The following ZSWIM7 variants were observed in gnomAD, a reference collection of about 807,000 sequenced individuals.
ZSWIM7 encodes the protein zinc finger SWIM domain-containing protein 7.
Under a neutral mutation model 21.1 loss-of-function variants are expected in ZSWIM7, and 22 were observed. That is an observed-to-expected ratio of 1.04 (90% CI 0.74 to 1.49). The LOEUF (loss-of-function observed/expected upper bound fraction) is 1.49. Among genes scored for constraint, ZSWIM7 ranks in the 40% most tolerant of loss-of-function variants. The probability of loss-of-function intolerance (pLI) is 0.00; values close to 1 mark genes in which losing one functional copy is unlikely to be tolerated. For synonymous variants in ZSWIM7, 67 were observed against 66.5 expected, an observed-to-expected ratio of 1.01 and a Z score of -0.04; for missense variants, 193 against 168.0, an observed-to-expected ratio of 1.15 and a Z score of -0.82.
At chr17:15,993,959 C>CT in intron 1 of ZSWIM7, 181 bp from the exon 2 acceptor site, 1 of 498,682 alleles carries the variant, frequency 2.0e-6, no homozygotes, top group Non-Finnish European at 3.7e-6. Context: ...TTTCCTTTTT[C>CT]TTTTTTTGAG....
At chr17:15,983,932 G>A (rs1376195994) in intron 3 of ZSWIM7, among the ~76,000 whole-genome samples, 2 of 152,024 alleles carry the variant, frequency 1.3e-5, no homozygotes, top group African/African-American at 4.8e-5. Context: ...TACAACTTTA[G>A]GTTTCTTCTC....
chr17:15,994,112 C>A (rs1970518572), intron 1 of ZSWIM7, among the ~76,000 whole-genome samples: 1 of 152,156 alleles, frequency 6.6e-6, no homozygotes, highest in African/African-American at 2.4e-5. Flanking sequence ...CCATGCCCAG[C>A]TAATTTTTTT....
intron 1 of ZSWIM7, among the ~76,000 whole-genome samples, chr17:15,995,575 T>TAAAAAAAAAAAAAAAAAAAAAAAAAA: frequency 1.0e-5 from 1 of 100,258 alleles, no homozygotes; most frequent in Non-Finnish European, 2.0e-5. Flanking sequence ...CCCTGTCTCT[T>TAAAAAAAAAAAAAAAAAAAAAAAAAA]AAAAAAAAAA....
intron 4 of ZSWIM7, chr17:15,980,516 G>A (rs1970343580): frequency 6.6e-6 from 1 of 152,280 alleles, no homozygotes; most frequent in South Asian, 2.1e-4. Context: ...TTTCAGGAAG[G>A]TAGTGTTTTT....
chr17:15,979,678 C>CT (rs1555592878), intron 4 of ZSWIM7, among the ~76,000 whole-genome samples: 1 of 133,180 alleles, frequency 7.5e-6, no homozygotes, highest in African/African-American at 3.0e-5. Context: ...TGACCCCCCC[C>CT]ACCTCCCTCC....
chr17:15,981,759 A>T (rs192588512), intron 3 of ZSWIM7, among the ~76,000 whole-genome samples: 2,284 of 151,914 alleles, frequency 0.015, 22 homozygotes, highest in Non-Finnish European at 0.022. Flanking sequence ...AGAAAAAAAA[A>T]TTTTTTTAAA....
At chr17:15,993,816 T>A in intron 1 of ZSWIM7, 38 bp from the exon 2 acceptor site, 1 of 1,454,686 alleles carries the variant, frequency 6.9e-7, no homozygotes, top group Non-Finnish European at 9.5e-7. Flanking sequence ...TTAATCATAT[T>A]AAGCAGTGAC....
intron 1 of ZSWIM7, 62 bp downstream of exon 1, chr17:15,999,457 G>A (rs748212303): frequency 1.9e-6 from 3 of 1,572,400 alleles, no homozygotes; most frequent in Admixed American, 1.7e-5. Context: ...CTCCCGGCCC[G>A]GCGGTGCCCG....
At chr17:15,986,028 GTTTT>G (rs923277549) in intron 3 of ZSWIM7, among the ~76,000 whole-genome samples, 1 of 150,232 alleles carries the variant, frequency 6.7e-6, no homozygotes, top group Non-Finnish European at 1.5e-5. Flanking sequence ...TACCATCCAA[GTTTT>G]TTTTTGTGTT....
At chr17:15,999,385 A>T in intron 1 of ZSWIM7, 134 bp downstream of exon 1, 2 of 1,134,060 alleles carry the variant, frequency 1.8e-6, no homozygotes, top group Non-Finnish European at 2.5e-6. Context: ...TTTTACGAAC[A>T]AGAGGTTTAG....
intron 1 of ZSWIM7, among the ~76,000 whole-genome samples, chr17:15,995,102 G>A (rs2151631280): frequency 6.6e-6 from 1 of 152,008 alleles, no homozygotes; most frequent in Non-Finnish European, 1.5e-5. Context: ...ACAAAAACAG[G>A]CAGAAGGCAT....
chr17:15,985,483 T>C lies in ZSWIM7; in HGVS notation c.201+1783A>G, dbSNP rs112539999. The stretch of plus-strand genomic sequence containing the variant: ...AAGGCAGTATGTGACTCAACTTTTA[T>C]CATCTCATACAACTCCTGAATTCAG... On this transcript the variant is annotated intron_variant, in intron 3 of 4. Coordinates refer to ENST00000399277, the MANE Select transcript of ZSWIM7 (RefSeq NM_001042697.2). Among the ~76,000 whole-genome samples the C allele has an allele frequency of 4.6e-5, 7 of 152,296 alleles. 1 individual carries two copies. The highest frequency in any genetic ancestry group is 1.7e-4 in the African/African-American group (7 of 41,578).
Position 15,978,463 on chromosome 17 carries a change from C to T in ZSWIM7, c.307-300G>A, listed in dbSNP as rs370005912. Among the ~76,000 whole-genome samples the T allele has an allele frequency of 3.0e-4, 46 of 152,148 alleles. 1 individual carries two copies. In the South Asian group the frequency reaches 4.4e-3, roughly 14 times the overall value. On this transcript the variant is annotated intron_variant, in intron 4 of 4. Coordinates refer to ENST00000399277, the MANE Select transcript of ZSWIM7 (RefSeq NM_001042697.2). ...AAATACAAAAATTAGCTGGGTGTGGCGGTACATGCCTGTAATTCCAGCTAC... is the reference window on the plus strand; with the variant it reads ...AAATACAAAAATTAGCTGGGTGTGGTGGTACATGCCTGTAATTCCAGCTAC...
At chr17:15,991,397 T>C (rs1970480429) in intron 2 of ZSWIM7, among the ~76,000 whole-genome samples, 1 of 152,186 alleles carries the variant, frequency 6.6e-6, no homozygotes, top group Non-Finnish European at 1.5e-5. Context: ...TTATGTGGAA[T>C]TTCTGGGTCA....
In ZSWIM7 at chr17:15,999,678, C is replaced by T. The variant is rs757387039; in HGVS notation, c.-84G>A. ...CGCCTACCTGTGGAGGATCCTGACCCCCCGCCGGGGCAGGGCGAGACGGAG... is the reference window on the plus strand; with the variant it reads ...CGCCTACCTGTGGAGGATCCTGACCTCCCGCCGGGGCAGGGCGAGACGGAG... On this transcript the variant is annotated 5_prime_UTR_variant, in exon 1 of 5. Coordinates refer to ENST00000399277, the MANE Select transcript of ZSWIM7 (RefSeq NM_001042697.2). 6.4e-7 allele frequency: 1 copy of T among 1,559,514 alleles called. No individual in the cohort carries two copies.
chr17:15,993,650 G>A (rs890453669), intron 2 of ZSWIM7, 107 bp downstream of exon 2: 16 of 869,708 alleles, frequency 1.8e-5, no homozygotes, highest in East Asian at 2.7e-5. Context: ...ATAGGCGTGA[G>A]CCACTGCGCC....
intron 2 of ZSWIM7, among the ~76,000 whole-genome samples, chr17:15,987,688 G>A (rs568225154): frequency 1.3e-5 from 2 of 151,874 alleles, no homozygotes; most frequent in Non-Finnish European, 2.9e-5. Context: ...TTGGCTCACC[G>A]TAACCTCTGC....
chr17:15,989,987 G>A (rs181201858), intron 2 of ZSWIM7, among the ~76,000 whole-genome samples: 226 of 152,178 alleles, frequency 1.5e-3, no homozygotes, highest in Non-Finnish European at 2.1e-3. Flanking sequence ...TTGGGAGGCC[G>A]AGGAAGGTGG....
At chr17:15,992,595 A>G (rs565572168) in intron 2 of ZSWIM7, among the ~76,000 whole-genome samples, 2 of 151,918 alleles carry the variant, frequency 1.3e-5, no homozygotes, top group Non-Finnish European at 2.9e-5. Flanking sequence ...ATGCACCACC[A>G]TGCTTGGCTA....
Sources: allele counts gnomAD v4.1 joint callset (sites outside exome capture counted in the v4.1 genomes callset), GRCh38; gene constraint gnomAD v4.1.1; transcripts MANE v1.5; gene names NCBI Gene and HGNC (gene_info 2026-07-23, HGNC 2026-07-21).